The following WASHC2C variants were observed in gnomAD, a reference collection of about 807,000 sequenced individuals.
The protein encoded by WASHC2C is WASH complex subunit 2C, also known as Vaccinia Penetration Factor.
In WASHC2C, 73 loss-of-function variants were observed where a neutral mutation model predicts 142.2. That is an observed-to-expected ratio of 0.51 (90% CI 0.43 to 0.62). The LOEUF is 0.62. WASHC2C is among the 20% of genes least tolerant of loss of function. The probability of loss-of-function intolerance (pLI) is 0.00; values close to 1 mark genes in which losing one functional copy is unlikely to be tolerated. For missense variants in WASHC2C, 969 were observed against 1,531.7 expected (o/e 0.63, Z 6.13); for synonymous variants, 337 against 565.5 (o/e 0.60, Z 5.73).
At chr10:45,754,768 C>T (rs1554876432) in intron 14 of WASHC2C, among the ~76,000 whole-genome samples, 168 bp from the exon 15 acceptor site, 3 of 152,092 alleles carry the variant, frequency 2.0e-5, no homozygotes, top group African/African-American at 7.2e-5. Context: ...GGTGATTCTC[C>T]GTTGTGAGAT....
At chr10:45,752,440 T>G (rs1188459390) in intron 11 of WASHC2C, 148 bp from the exon 12 acceptor site, 1 of 701,856 alleles carries the variant, frequency 1.4e-6, no homozygotes, top group African/African-American at 1.8e-5. Flanking sequence ...GGGTTTAGTG[T>G]GAAATTCATC....
Position 45,763,172 on chromosome 10 carries a change from C to G in WASHC2C, c.1636-216C>G, listed in dbSNP as rs368895464. Among the ~76,000 whole-genome samples the G allele has an allele frequency of 1.0e-3, 156 of 152,292 alleles. 2 individuals are homozygous for G. In the East Asian group the frequency reaches 0.023, roughly 23 times the overall value. ...CCTGGGCTCTGCGAGCCCACCAGAT[C>G]CTGTAGCTCTCCTCCTCCTTAGCGC... On this transcript the variant is annotated intron_variant, in intron 17 of 30. Transcript: ENST00000623400.
At chr10:45,761,307 C>G (rs1217072208) in intron 17 of WASHC2C, among the ~76,000 whole-genome samples, 4 of 152,036 alleles carry the variant, frequency 2.6e-5, no homozygotes, top group African/African-American at 9.7e-5. Context: ...TCAGAGAGAG[C>G]CCGATGGAGG....
intron 6 of WASHC2C, among the ~76,000 whole-genome samples, chr10:45,744,074 T>C (rs1383288247): frequency 6.6e-6 from 1 of 151,948 alleles, no homozygotes; most frequent in Admixed American, 6.6e-5. Flanking sequence ...TCTTTCTTTT[T>C]TGAGCCGGAG....
intron 15 of WASHC2C, among the ~76,000 whole-genome samples, chr10:45,756,702 T>C (rs1470058978): frequency 5.3e-5 from 8 of 152,250 alleles, no homozygotes; most frequent in Non-Finnish European, 8.8e-5. Flanking sequence ...AAATGATCTT[T>C]CTTCCTCTAG....
At position 45,731,192 on chromosome 10, in the gene WASHC2C, C is replaced by T. The variant is rs557245340; in HGVS notation, c.291+2166C>T. Among the ~76,000 whole-genome samples the T allele has an allele frequency of 4.1e-5, 6 of 146,698 alleles. No homozygotes were observed. In the East Asian group the frequency reaches 1.2e-3, roughly 29 times the overall value. ...CCAATACTGGGGATTTCCTGTTTTC[C>T]ATCCATCTCTCCATCCCTTTAGCCT... On this transcript the variant is annotated intron_variant, in intron 3 of 30. Transcript: ENST00000623400.
At chr10:45,752,272 T>TG (rs2053691611) in intron 11 of WASHC2C, among the ~76,000 whole-genome samples, 1 of 152,294 alleles carries the variant, frequency 6.6e-6, no homozygotes, top group Non-Finnish European at 1.5e-5. Context: ...GGTTGGGGAA[T>TG]GGGTCTTGAA....
At position 45,787,181 on chromosome 10, in the gene WASHC2C, G is replaced by A; in HGVS notation, c.3021G>A (p.Gly1007=). 1 of 1,553,648 alleles carries A rather than the reference G, an allele frequency of 6.4e-7. No individual in the cohort carries two copies. The highest frequency in any genetic ancestry group is 1.2e-5 in the South Asian group (1 of 86,626). ...TGGAAAGTGTGCCTGTCCTTCCCGG[G>A]AGTGGGGAGGCCGGTGTGAGTTTTG... is the stretch of plus-strand genomic sequence containing the variant. ...HGLESVPVLP[G]SGEAGVSFDL... The change falls in exon 28 of 31, where the codon GGG becomes GGA. Residue 1007 remains glycine, a synonymous_variant. Transcript: ENST00000623400.
chr10:45,749,851 A>ATATATATATTTATT (rs797033033), intron 8 of WASHC2C, among the ~76,000 whole-genome samples: 1 of 108,138 alleles, frequency 9.2e-6, no homozygotes, highest in African/African-American at 4.1e-5. Flanking sequence ...ATATATATAT[A>ATATATATATTTATT]TATATTTATA....
chr10:45,788,669 AC>A (rs2058220970), intron 28 of WASHC2C, among the ~76,000 whole-genome samples: 1 of 152,170 alleles, frequency 6.6e-6, no homozygotes, highest in South Asian at 2.1e-4. Flanking sequence ...ATTAAGAATG[AC>A]TTAGTCTTGG....
At chr10:45,739,369 GAC>G (rs2051693900) in intron 4 of WASHC2C, among the ~76,000 whole-genome samples, 1 of 148,796 alleles carries the variant, frequency 6.7e-6, no homozygotes, top group Admixed American at 6.7e-5. Flanking sequence ...AGGGGGAAAT[GAC>G]ACTAAATATT....
intron 3 of WASHC2C, among the ~76,000 whole-genome samples, chr10:45,736,426 AAAAAAAAAAAAG>A (rs2051276315): frequency 6.7e-6 from 1 of 148,820 alleles, no homozygotes; most frequent in Admixed American, 6.7e-5. Flanking sequence ...AAAAAAAAAA[AAAAAAAAAAAAG>A]GGCAAAAACA....
At chr10:45,788,753 T>G (rs1426900162) in intron 28 of WASHC2C, 118 bp from the exon 29 acceptor site, 2 of 1,517,230 alleles carry the variant, frequency 1.3e-6, no homozygotes, top group African/African-American at 2.7e-5. Context: ...TTAGATAATA[T>G]CTTCATTGAA....
In WASHC2C at chr10:45,763,459, G is replaced by C. The variant is rs1232761888; in HGVS notation, c.1707G>C (p.Ser569=). The change falls in exon 18 of 31, where the codon TCG becomes TCC. Residue 569 remains serine (S), a synonymous_variant. Coordinates refer to ENST00000623400, the MANE Select transcript of WASHC2C (RefSeq NM_001330074.2). ...ASLLPGKLPT[S]VSLFDDEDEE... ...TGCTGCCTGGCAAGCTCCCCACGTC[G>C]GTTTCCCTGTTTGATGATGAAGATG... 1.1e-6 allele frequency: 1 copy of C among 879,700 alleles called. No homozygotes were observed. Among genetic ancestry groups the C allele is most frequent in the African/African-American group, 1.7e-5 (1 of 57,652 alleles). The allele number at this position is 879,700 out of a possible 1,614,324, so 54.5% of individuals were successfully genotyped here. A position where few individuals can be genotyped will look rare whatever the true frequency, so the allele number is the denominator to read the frequency against.
intron 23 of WASHC2C, among the ~76,000 whole-genome samples, chr10:45,784,246 G>GTATATA (rs2057751772): frequency 5.6e-5 from 2 of 35,638 alleles, no homozygotes; most frequent in African/African-American, 1.7e-4. Flanking sequence ...ATATATGTGT[G>GTATATA]TGTGTGTATA....
intron 8 of WASHC2C, 61 bp downstream of exon 8, chr10:45,746,708 A>G (rs2052881953): frequency 1.9e-6 from 3 of 1,588,338 alleles, no homozygotes; most frequent in East Asian, 4.5e-5. Flanking sequence ...TAGTATATAT[A>G]CTAAAATTAC....
chr10:45,755,659 AT>A (rs2054185239), intron 15 of WASHC2C, among the ~76,000 whole-genome samples: 1 of 152,180 alleles, frequency 6.6e-6, no homozygotes, highest in East Asian at 1.9e-4. Context: ...GTGCAGATGA[AT>A]CTTCCAGGGG....
At chr10:45,757,537 C>A (rs547732746) in intron 16 of WASHC2C, among the ~76,000 whole-genome samples, 1 of 151,932 alleles carries the variant, frequency 6.6e-6, no homozygotes, top group Non-Finnish European at 1.5e-5. Flanking sequence ...AACAGTAATT[C>A]TATAGTAGAA....
intron 8 of WASHC2C, among the ~76,000 whole-genome samples, chr10:45,749,563 G>A (rs1172766380): frequency 1.3e-5 from 2 of 150,840 alleles, no homozygotes; most frequent in Non-Finnish European, 2.9e-5. Flanking sequence ...GGTGGCTCAC[G>A]CCTGTAATCC....
Sources: allele counts gnomAD v4.1 joint callset (sites outside exome capture counted in the v4.1 genomes callset), GRCh38; gene constraint gnomAD v4.1.1; transcripts MANE v1.5; gene names NCBI Gene and HGNC (gene_info 2026-07-23, HGNC 2026-07-21).